Variants in ANO3 observed in about 807,000 individuals in gnomAD.
The protein encoded by ANO3 is anoctamin 3, also known as anoctamin-3.
In ANO3, 99 loss-of-function variants were observed where a neutral mutation model predicts 144.8. The ratio of observed to expected loss-of-function variants is 0.68; its 90% CI spans 0.58 to 0.81. The LOEUF (loss-of-function observed/expected upper bound fraction) is 0.81, where lower values mean the gene tolerates loss of function less well. ANO3 is among the 30% of genes least tolerant of loss of function. ANO3 has a pLI of 0.00. For missense variants in ANO3, 905 were observed against 1,202.2 expected (o/e 0.75, Z 3.66); for synonymous variants, 414 against 392.6 (o/e 1.05, Z -0.64).
At chr11:26,325,960 G>C (rs556909170) in intron 1 of ANO3, among the ~76,000 whole-genome samples, 1 of 152,128 alleles carries the variant, frequency 6.6e-6, no homozygotes, top group East Asian at 1.9e-4. Flanking sequence ...TAGACAGCAT[G>C]CTAGGACACA....
chr11:26,310,360 T>C (rs975078168), intron 1 of ANO3, among the ~76,000 whole-genome samples: 1 of 152,180 alleles, frequency 6.6e-6, no homozygotes. Context: ...ATCAATTACA[T>C]TATCAAGGTT....
intron 14 of ANO3, among the ~76,000 whole-genome samples, chr11:26,571,292 T>C (rs2134289286): frequency 6.6e-6 from 1 of 152,168 alleles, no homozygotes; most frequent in African/African-American, 2.4e-5. Flanking sequence ...ACAGACTAAA[T>C]AGAAAGTAGA....
In ANO3 at chr11:26,318,922, G is replaced by A. The variant is rs888572190; in HGVS notation, c.-3+9203G>A. Among the ~76,000 whole-genome samples the A allele has an allele frequency of 3.9e-5, 6 of 152,212 alleles. No individual in the cohort carries two copies. The South Asian group carries it at 1.0e-3, about 26-fold the overall frequency. On this transcript the variant is annotated intron_variant, in intron 1 of 26. Transcript: ENST00000525139. ...TACATATACATAATTTTACACAAGT[G>A]TGTATATGTGGCAATACATCTTCTT... is the stretch of plus-strand genomic sequence containing the variant.
At chr11:26,595,788 C>T (rs911567218) in intron 14 of ANO3, among the ~76,000 whole-genome samples, 5 of 152,214 alleles carry the variant, frequency 3.3e-5, no homozygotes, top group Admixed American at 6.5e-5. Flanking sequence ...ACAGAATAGC[C>T]GCATACTTTA....
chr11:26,401,288 C>G lies in ANO3; in HGVS notation c.47-40630C>G, dbSNP rs535794873. Among the ~76,000 whole-genome samples, 10 of 152,080 alleles carry G rather than the reference C, an allele frequency of 6.6e-5. 1 individual carries two copies. The South Asian group carries it at 2.1e-3, about 31-fold the overall frequency. ...TAAAAGAATTCCCTCCATTTATTATCCTTCATTGTCTTGCTTCTGCCTTCT... is the reference window on the plus strand; with the variant it reads ...TAAAAGAATTCCCTCCATTTATTATGCTTCATTGTCTTGCTTCTGCCTTCT... On this transcript the variant is annotated intron_variant, in intron 1 of 26. Coordinates refer to ENST00000256737, the MANE Select transcript of ANO3 (RefSeq NM_031418.4).
chr11:26,451,964 C>T (rs1439840937), intron 3 of ANO3, among the ~76,000 whole-genome samples: 1 of 152,168 alleles, frequency 6.6e-6, no homozygotes, highest in Non-Finnish European at 1.5e-5. Context: ...GCTGCTGATA[C>T]CCAGGCAAAC....
intron 4 of ANO3, among the ~76,000 whole-genome samples, chr11:26,476,988 A>G (rs966101185): frequency 3.3e-5 from 5 of 151,440 alleles, no homozygotes; most frequent in Non-Finnish European, 5.9e-5. Context: ...TGATTTTTAA[A>G]TTTTGTTTTG....
intron 4 of ANO3, among the ~76,000 whole-genome samples, chr11:26,490,587 T>A (rs566238334): frequency 6.6e-6 from 1 of 152,300 alleles, no homozygotes; most frequent in South Asian, 2.1e-4. Flanking sequence ...ATTAAGATAT[T>A]CCACGTATCT....
chr11:26,608,915 A>G (rs1337265236), intron 17 of ANO3, among the ~76,000 whole-genome samples: 1 of 152,164 alleles, frequency 6.6e-6, no homozygotes, highest in Non-Finnish European at 1.5e-5. Flanking sequence ...CCCGTCCTTC[A>G]AAGAGCTCAA....
intron 1 of ANO3, among the ~76,000 whole-genome samples, chr11:26,421,029 G>A (rs1248687898): frequency 1.3e-5 from 2 of 151,990 alleles, no homozygotes; most frequent in Non-Finnish European, 2.9e-5. Context: ...ACACTTCCTA[G>A]ATGTGGGACT....
intron 1 of ANO3, among the ~76,000 whole-genome samples, chr11:26,295,903 T>G (rs1373862203): frequency 6.6e-6 from 1 of 152,178 alleles, no homozygotes; most frequent in Non-Finnish European, 1.5e-5. Flanking sequence ...TACTCTGAAA[T>G]TACAGAGCCA....
At chr11:26,224,503 C>T (rs1425715353) in intron 1 of ANO3, among the ~76,000 whole-genome samples, 5 of 152,236 alleles carry the variant, frequency 3.3e-5, no homozygotes, top group Admixed American at 2.6e-4. Context: ...TCTCTGTTCA[C>T]CACCTATACA....
chr11:26,451,017 A>G (rs1432375056), intron 3 of ANO3, among the ~76,000 whole-genome samples: 2 of 152,218 alleles, frequency 1.3e-5, no homozygotes, highest in South Asian at 2.1e-4. Flanking sequence ...CAAAATTTAT[A>G]AGACAGTGCA....
intron 1 of ANO3, among the ~76,000 whole-genome samples, chr11:26,437,674 T>A (rs1858343543): frequency 6.6e-6 from 1 of 152,174 alleles, no homozygotes; most frequent in African/African-American, 2.4e-5. Flanking sequence ...ATAGGTAGTT[T>A]TTCAACCCAC....
At chr11:26,374,009 T>C (rs1221434990) in intron 1 of ANO3, among the ~76,000 whole-genome samples, 1 of 152,226 alleles carries the variant, frequency 6.6e-6, no homozygotes, top group Non-Finnish European at 1.5e-5. Context: ...TAGGTAGTGC[T>C]TCCATGCCCA....
At chr11:26,233,078 C>A (rs191356475) in intron 1 of ANO3, among the ~76,000 whole-genome samples, 2,291 of 151,738 alleles carry the variant, frequency 0.015, 49 homozygotes, top group East Asian at 0.13. Flanking sequence ...TTAGCCAGGC[C>A]TGGTGGCGGG....
chr11:26,387,378 T>C (rs1233593164), intron 1 of ANO3, among the ~76,000 whole-genome samples: 1 of 152,068 alleles, frequency 6.6e-6, no homozygotes, highest in Admixed American at 6.6e-5. Flanking sequence ...TCTTTTCATC[T>C]TGCCTTCTAT....
intron 17 of ANO3, among the ~76,000 whole-genome samples, chr11:26,613,192 GTTTA>G (rs755211413): frequency 1.3e-5 from 2 of 151,766 alleles, no homozygotes; most frequent in Non-Finnish European, 2.9e-5. Flanking sequence ...ATTCTTATTT[GTTTA>G]TTTATTTTTC....
intron 1 of ANO3, among the ~76,000 whole-genome samples, chr11:26,352,241 C>G (rs78453016): frequency 3.9e-5 from 6 of 152,142 alleles, no homozygotes; most frequent in African/African-American, 1.4e-4. Flanking sequence ...AGTTACCTCA[C>G]GACCCTGTCG....
Sources: gnomAD v4.1 joint callset for allele counts (sites outside exome capture counted in the v4.1 genomes callset) on GRCh38, gnomAD v4.1.1 for gene constraint, MANE v1.5 for transcripts, NCBI Gene and HGNC (gene_info 2026-07-23, HGNC 2026-07-21) for gene names.